The following WDPCP variants were observed in gnomAD, a reference collection of about 807,000 sequenced individuals.
WDPCP encodes WD repeat containing planar cell polarity effector.
WDPCP carries 71 observed loss-of-function variants against 93.1 expected under a neutral mutation model. The observed-to-expected ratio is 0.76, with a 90% CI of 0.63 to 0.93. WDPCP has a LOEUF of 0.93. Ranked by LOEUF, WDPCP falls within the 40% of genes least tolerant of loss-of-function variation. WDPCP has a pLI of 0.00. For missense variants in WDPCP, 844 were observed against 887.4 expected, an observed-to-expected ratio of 0.95 and a Z score of 0.62; for synonymous variants, 315 against 315.0, an observed-to-expected ratio of 1.00 and a Z score of 0.00.
intron 2 of WDPCP, among the ~76,000 whole-genome samples, chr2:63,734,266 A>T (rs571739463): frequency 1.3e-5 from 2 of 152,288 alleles, no homozygotes; most frequent in South Asian, 4.1e-4. Context: ...GGTTCTTAAG[A>T]TTAATTTTAA....
intron 2 of WDPCP, among the ~76,000 whole-genome samples, chr2:63,681,695 G>A (rs1710492273): frequency 6.6e-6 from 1 of 152,098 alleles, no homozygotes. Context: ...GAATATAGGC[G>A]GTAGGGAGGC....
chr2:63,581,219 G>A (rs1708475080), intron 1 of WDPCP, among the ~76,000 whole-genome samples: 2 of 152,176 alleles, frequency 1.3e-5, no homozygotes, highest in African/African-American at 4.8e-5. Context: ...AATGTACAGT[G>A]CAAGGAAGGG....
chr2:63,500,484 A>C (rs1435916630), intron 1 of WDPCP, among the ~76,000 whole-genome samples: 4 of 60,366 alleles, frequency 6.6e-5, no homozygotes, highest in African/African-American at 3.1e-4. Flanking sequence ...TGTGTGTGTA[A>C]AGTGGTTATA....
chr2:63,809,483 G>A (rs544606252), intron 2 of WDPCP, among the ~76,000 whole-genome samples: 288 of 152,366 alleles, frequency 1.9e-3, no homozygotes, highest in Non-Finnish European at 3.6e-3. Flanking sequence ...GGGAAAGGTG[G>A]GGAAAAGATT....
chr2:63,165,891 A>G (rs1559168165), intron 15 of WDPCP, among the ~76,000 whole-genome samples: 1 of 151,592 alleles, frequency 6.6e-6, no homozygotes, highest in Non-Finnish European at 1.5e-5. Flanking sequence ...TTGTTTCAAA[A>G]ACATTTGGAT....
At chr2:63,573,451 C>A (rs1230006277) in intron 1 of WDPCP, among the ~76,000 whole-genome samples, 2 of 152,214 alleles carry the variant, frequency 1.3e-5, no homozygotes, top group African/African-American at 4.8e-5. Context: ...TTACTGCAAT[C>A]TCTGACCATA....
At chr2:63,366,770 A>T (rs942403590) in intron 12 of WDPCP, among the ~76,000 whole-genome samples, 1 of 152,118 alleles carries the variant, frequency 6.6e-6, no homozygotes, top group Non-Finnish European at 1.5e-5. Flanking sequence ...AACTCCTTGT[A>T]TCCTGAAGTG....
chr2:63,373,303 G>A (rs1372593736), intron 12 of WDPCP, among the ~76,000 whole-genome samples: 2 of 145,168 alleles, frequency 1.4e-5, no homozygotes, highest in African/African-American at 5.1e-5. Flanking sequence ...GTCGCCCAGT[G>A]CAATTGCAGG....
the WDPCP span, among the ~76,000 whole-genome samples, chr2:63,834,710 G>T: frequency 6.6e-6 from 1 of 152,186 alleles, no homozygotes; most frequent in Non-Finnish European, 1.5e-5. Context: ...CCAAGGTGAA[G>T]AGTGGTATGT....
intron 17 of WDPCP, among the ~76,000 whole-genome samples, chr2:63,131,602 A>G (rs562330159): frequency 2.1e-4 from 32 of 152,296 alleles, no homozygotes; most frequent in African/African-American, 6.5e-4. Context: ...TTTGTGCACC[A>G]GAATTACAAT....
chr2:63,223,996 A>G (rs1305324598), intron 14 of WDPCP, among the ~76,000 whole-genome samples: 1 of 152,032 alleles, frequency 6.6e-6, no homozygotes, highest in Non-Finnish European at 1.5e-5. Context: ...GTTCTTCAGA[A>G]TTGCCTTAAC....
chr2:63,179,791 T>C (rs570852383), intron 14 of WDPCP, among the ~76,000 whole-genome samples: 1 of 152,316 alleles, frequency 6.6e-6, no homozygotes, highest in South Asian at 2.1e-4. Flanking sequence ...TTAATTTTCA[T>C]GTATTTGTGG....
chr2:63,499,610 G>A (rs1245241901), intron 1 of WDPCP, among the ~76,000 whole-genome samples: 1 of 152,188 alleles, frequency 6.6e-6, no homozygotes, highest in Non-Finnish European at 1.5e-5. Flanking sequence ...CTGAATTGGG[G>A]TGGTGGCAGC....
intron 12 of WDPCP, among the ~76,000 whole-genome samples, chr2:63,352,030 G>A (rs1339125647): frequency 6.6e-6 from 1 of 152,188 alleles, no homozygotes; most frequent in African/African-American, 2.4e-5. Context: ...TAGTGATGTT[G>A]AGCATTTTTT....
chr2:63,571,517 C>T (rs1377454795), intron 1 of WDPCP: 2 of 470,096 alleles, frequency 4.3e-6, no homozygotes, highest in Non-Finnish European at 8.8e-6. Flanking sequence ...GTGATACTCC[C>T]TCTTTCCAAG....
Position 63,404,102 on chromosome 2 carries a change from G to A in WDPCP, c.1381C>T (p.Leu461Phe), listed in dbSNP as rs2105184735. 1.2e-6 allele frequency: 2 copies of A among 1,614,062 alleles called. No individual in the cohort carries two copies. The highest frequency in any genetic ancestry group is 1.7e-6 in the Non-Finnish European group (2 of 1,179,984). ...QKGEGSDIYDLLFLRFERGPL... is the reference protein window; with the variant it reads ...QKGEGSDIYDFLFLRFERGPL... The stretch of plus-strand genomic sequence containing the variant: ...CCTCTTTCAAACCTGAGGAAGAGGA[G>A]ATCATAGATATCACTACCTTCACCC... The change falls in exon 10 of 18, where the codon CTC becomes TTC. Residue 461 changes from leucine to phenylalanine, a missense_variant. Coordinates refer to ENST00000272321, the MANE Select transcript of WDPCP (RefSeq NM_015910.7).
chr2:63,678,469 A>G (rs543776576), intron 2 of WDPCP, among the ~76,000 whole-genome samples: 2 of 152,344 alleles, frequency 1.3e-5, no homozygotes, highest in South Asian at 4.1e-4. Flanking sequence ...ACAGGAAGAC[A>G]AAAGGGAATG....
At chr2:63,455,437 T>TAC (rs1444358398) in intron 6 of WDPCP, among the ~76,000 whole-genome samples, 10 of 129,172 alleles carry the variant, frequency 7.7e-5, no homozygotes, top group East Asian at 6.4e-4. Context: ...TATATATATA[T>TAC]ATACACACAC....
At chr2:63,443,831 T>A (rs1256258149) in intron 6 of WDPCP, among the ~76,000 whole-genome samples, 1 of 152,156 alleles carries the variant, frequency 6.6e-6, no homozygotes, top group African/African-American at 2.4e-5. Context: ...AAAAATTGAA[T>A]GTGGCACATG....
Sources: gnomAD v4.1 joint callset for allele counts (sites outside exome capture counted in the v4.1 genomes callset) on GRCh38, gnomAD v4.1.1 for gene constraint, MANE v1.5 for transcripts, NCBI Gene and HGNC (gene_info 2026-07-23, HGNC 2026-07-21) for gene names.